ATP13A5: variants seen among roughly 807,000 people sequenced by gnomAD.
ATP13A5 encodes the protein probable cation-transporting ATPase 13A5.
In ATP13A5, 149 loss-of-function variants were observed where a neutral mutation model predicts 150.2. That is an observed-to-expected ratio of 0.99 (90% confidence interval 0.87 to 1.14). ATP13A5 has a LOEUF of 1.14. Among genes scored for constraint, ATP13A5 ranks in the 50% most tolerant of loss-of-function variants. The probability of loss-of-function intolerance (pLI) is 0.00; values close to 1 mark genes in which losing one functional copy is unlikely to be tolerated. For synonymous variants in ATP13A5, 497 were observed against 522.2 expected (o/e 0.95, Z 0.66); for missense variants, 1,383 against 1,449.3 (o/e 0.95, Z 0.74).
chr3:193,373,546 AC>A (rs10708830), intron 1 of ATP13A5, among the ~76,000 whole-genome samples: 146,326 of 152,262 alleles, frequency 0.96, 70,342 homozygotes, highest in African/African-American at 0.98. Context: ...AAAAAAGAGA[AC>A]ATATCCTCAA....
chr3:193,296,194 G>A (rs959996102), intron 25 of ATP13A5, among the ~76,000 whole-genome samples: 3 of 152,108 alleles, frequency 2.0e-5, no homozygotes, highest in African/African-American at 7.2e-5. Context: ...GGCAGCTGCA[G>A]AAAGGAATCC....
chr3:193,284,769 CG>C, intron 27 of ATP13A5, 144 bp downstream of exon 27: 1 of 678,374 alleles, frequency 1.5e-6, no homozygotes, highest in East Asian at 2.8e-5. Flanking sequence ...GCTCTACCAA[CG>C]ATGACCACTG....
intron 5 of ATP13A5, among the ~76,000 whole-genome samples, chr3:193,356,126 TTAC>T (rs768558703): frequency 1.6e-4 from 24 of 152,298 alleles, no homozygotes; most frequent in Middle Eastern, 6.8e-3. Flanking sequence ...TAGCACCTCC[TTAC>T]TGGGCTTTCC....
At chr3:193,309,925 A>G (rs1053201272) in intron 21 of ATP13A5, among the ~76,000 whole-genome samples, 1 of 152,036 alleles carries the variant, frequency 6.6e-6, no homozygotes, top group Non-Finnish European at 1.5e-5. Context: ...ATACGAGGGA[A>G]CTCATGTCAC....
In ATP13A5 at chr3:193,343,994, T is replaced by G; in HGVS notation, c.876A>C (p.Lys292Asn). 6.2e-7 allele frequency: 1 copy of G among 1,613,344 alleles called. No homozygotes were observed. The highest frequency in any genetic ancestry group is 8.5e-7 in the Non-Finnish European group (1 of 1,179,610). The change falls in exon 9 of 30, where the codon AAA (lysine) becomes AAC (asparagine). Residue 292 changes from lysine to asparagine, a missense_variant. By Grantham distance (94) the Lys-to-Asn change is moderately conservative. Coordinates refer to ENST00000342358, the MANE Select transcript of ATP13A5 (RefSeq NM_198505.4). The stretch of plus-strand genomic sequence containing the variant: ...AAACAGCATCACATGGCAATGAAAA[T>G]TTTCCTGGAAGAATAAGAATGTCTC... ...VPGDILILPGKFSLPCDAVLI... is the reference protein window; with the variant it reads ...VPGDILILPGNFSLPCDAVLI...
intron 21 of ATP13A5, among the ~76,000 whole-genome samples, chr3:193,307,660 G>A (rs537805451): frequency 2.0e-5 from 3 of 152,256 alleles, no homozygotes; most frequent in African/African-American, 4.8e-5. Context: ...TTGATGATAC[G>A]CACCAAGGCC....
At position 193,275,198 on chromosome 3, in the gene ATP13A5, G is replaced by C. The variant is rs200117973; in HGVS notation, c.3501C>G (p.Asp1167Glu). ...TCCTGTTTATGGGAGGCCAGGTTGA[G>C]TCTTCTGCTAGCTTCTTTTGCCAAG... ...YRTWQKKLAE[D>E]STWPPINRTD... Residue 1167 changes from aspartate to glutamate, a missense_variant, in exon 30 of 30, where the codon GAC becomes GAG. Physicochemically the swap from Asp to Glu is conservative, Grantham distance 45. This residue lies in a region of ATP13A5 where 568 missense variants were observed against 621.5 expected (regional missense o/e 0.91). Transcript: ENST00000342358. 2.0e-4 allele frequency: 319 copies of C among 1,614,182 alleles called. No homozygotes were observed. The Middle Eastern group carries it at 4.6e-3, about 23-fold the overall frequency.
At chr3:193,320,964 C>T (rs373238812) in intron 16 of ATP13A5, among the ~76,000 whole-genome samples, 1 of 152,148 alleles carries the variant, frequency 6.6e-6, no homozygotes, top group Non-Finnish European at 1.5e-5. Flanking sequence ...TATTTCTGTT[C>T]TATATTCTTC....
intron 9 of ATP13A5, among the ~76,000 whole-genome samples, chr3:193,338,823 T>A (rs1225405584): frequency 1.3e-5 from 2 of 152,220 alleles, no homozygotes; most frequent in Non-Finnish European, 2.9e-5. Flanking sequence ...CAGCTTCTCC[T>A]TGTACCTCTG....
chr3:193,365,991 T>A (rs1355583009), intron 1 of ATP13A5, among the ~76,000 whole-genome samples: 1 of 152,112 alleles, frequency 6.6e-6, no homozygotes, highest in Non-Finnish European at 1.5e-5. Flanking sequence ...CAGTAATTCT[T>A]CATTTGAAAA....
chr3:193,312,504 T>A (rs1718895084), intron 19 of ATP13A5, among the ~76,000 whole-genome samples: 1 of 152,170 alleles, frequency 6.6e-6, no homozygotes, highest in Non-Finnish European at 1.5e-5. Context: ...GTAATCCTTT[T>A]CCGAAACCCT....
rs528345989 is a variant in ATP13A5 at position 193,366,004 on chromosome 3, T to G, written c.64-1724A>C. Among the ~76,000 whole-genome samples, 3 of 152,204 alleles carry G rather than the reference T, an allele frequency of 2.0e-5. No homozygotes were observed. The East Asian group carries it at 5.8e-4, about 29-fold the overall frequency. On this transcript the variant is annotated intron_variant, in intron 1 of 29. Transcript: ENST00000342358. Reference sequence around the variant, plus strand: ...ATCAGTAATTCTTCATTTGAAAATATGCCCTAATGAAATAATATCTAAATG... The same window carrying G: ...ATCAGTAATTCTTCATTTGAAAATAGGCCCTAATGAAATAATATCTAAATG...
intron 5 of ATP13A5, among the ~76,000 whole-genome samples, chr3:193,356,871 A>T (rs749092289): frequency 6.6e-5 from 10 of 151,440 alleles, no homozygotes; most frequent in Non-Finnish European, 1.5e-4. Context: ...GCTGGAGTGC[A>T]TTGGCACAGT....
chr3:193,279,586 A>T (rs571009877), intron 27 of ATP13A5, 132 bp from the exon 28 acceptor site: 24 of 658,308 alleles, frequency 3.6e-5, no homozygotes, highest in African/African-American at 2.5e-4. Flanking sequence ...ATATCCTCAT[A>T]TGTTTTGAAA....
Position 193,364,190 on chromosome 3 carries a change from A to G in ATP13A5, c.154T>C (p.Tyr52His). Residue 52 changes from tyrosine (Y) to histidine (H), a missense_variant, in exon 2 of 30, where the codon TAC becomes CAC. Around this residue, in one of 3 missense-constraint regions of ATP13A5, gnomAD observed 787 missense variants for 771.9 expected, o/e 1.02. Coordinates refer to ENST00000342358, the MANE Select transcript of ATP13A5 (RefSeq NM_198505.4). ...CACACTCTCCACTGGGGTCTCCAGT[A>G]GAACACCAGCAGAAGGCCCCCACAG... ...LTCGGLLLVF[Y>H]WRPQWRVWAN... The G allele has an allele frequency of 1.9e-6, 3 of 1,614,136 alleles. No individual in the cohort carries two copies. Among genetic ancestry groups the G allele is most frequent in the East Asian group, 2.2e-5 (1 of 44,878 alleles).
intron 1 of ATP13A5, among the ~76,000 whole-genome samples, chr3:193,365,541 T>C (rs749532207): frequency 2.0e-5 from 3 of 152,174 alleles, no homozygotes; most frequent in Non-Finnish European, 4.4e-5. Flanking sequence ...TGCTTTAGTT[T>C]TATTTGTGAA....
At chr3:193,351,426 C>T (rs1712560567) in intron 6 of ATP13A5, among the ~76,000 whole-genome samples, 1 of 152,008 alleles carries the variant, frequency 6.6e-6, no homozygotes, top group Non-Finnish European at 1.5e-5. Flanking sequence ...GAGCCATGCC[C>T]ACAAGTTGAT....
At chr3:193,303,502 T>A (rs1207765989) in intron 23 of ATP13A5, among the ~76,000 whole-genome samples, 1 of 152,172 alleles carries the variant, frequency 6.6e-6, no homozygotes, top group Non-Finnish European at 1.5e-5. Context: ...AGACACTCAA[T>A]AAATAATGTA....
chr3:193,355,720 G>A (rs1489620767), intron 5 of ATP13A5, among the ~76,000 whole-genome samples: 1 of 152,142 alleles, frequency 6.6e-6, no homozygotes, highest in African/African-American at 2.4e-5. Context: ...TAAACCTCCC[G>A]CTGGAAAGAG....
Sources: allele counts gnomAD v4.1 joint callset (sites outside exome capture counted in the v4.1 genomes callset), GRCh38; gene constraint gnomAD v4.1.1; regional missense constraint gnomAD v4.1.1; transcripts MANE v1.5; gene names NCBI Gene and HGNC (gene_info 2026-07-23, HGNC 2026-07-21).